Variants in GRM8 observed in about 807,000 individuals in gnomAD.
GRM8 encodes metabotropic glutamate receptor 8.
GRM8 carries 47 observed loss-of-function variants against 87.2 expected under a neutral mutation model. The observed-to-expected ratio is 0.54, with a 90% CI of 0.43 to 0.69. The LOEUF (loss-of-function observed/expected upper bound fraction) is 0.69. Ranked by LOEUF, GRM8 falls within the 30% of genes least tolerant of loss-of-function variation. GRM8 has a pLI of 0.00. For missense variants in GRM8, 1,019 were observed against 1,139.2 expected (o/e 0.89, Z 1.52); for synonymous variants, 396 against 404.5 (o/e 0.98, Z 0.25).
At chr7:126,824,099 A>T (rs866926852) in intron 6 of GRM8, among the ~76,000 whole-genome samples, 1 of 152,168 alleles carries the variant, frequency 6.6e-6, no homozygotes, top group Admixed American at 6.5e-5. Flanking sequence ...TATTTTATTC[A>T]TTTTTACATA....
At chr7:126,734,021 A>G (rs931767447) in intron 7 of GRM8, among the ~76,000 whole-genome samples, 14 of 152,096 alleles carry the variant, frequency 9.2e-5, no homozygotes, top group African/African-American at 3.4e-4. Flanking sequence ...ACTTCTTAAT[A>G]TACCTACAAT....
At chr7:126,583,804 T>G (rs1369358239) in intron 8 of GRM8, among the ~76,000 whole-genome samples, 6 of 152,218 alleles carry the variant, frequency 3.9e-5, no homozygotes, top group Admixed American at 3.3e-4. Context: ...GACGATTTGG[T>G]GAACATTGTT....
chr7:126,851,947 C>T (rs1176034225), intron 6 of GRM8, among the ~76,000 whole-genome samples: 1 of 152,112 alleles, frequency 6.6e-6, no homozygotes. Context: ...AAAGAGTACT[C>T]AGTACGTATT....
chr7:126,894,655 T>C (rs1364462431), intron 6 of GRM8, among the ~76,000 whole-genome samples: 1 of 152,060 alleles, frequency 6.6e-6, no homozygotes, highest in Non-Finnish European at 1.5e-5. Context: ...GAGGGAATAC[T>C]TCACCTTAGG....
At chr7:126,762,940 T>G (rs1817743194) in intron 7 of GRM8, among the ~76,000 whole-genome samples, 1 of 151,958 alleles carries the variant, frequency 6.6e-6, no homozygotes, top group Admixed American at 6.6e-5. Context: ...GAAAACAGTC[T>G]CTCATTGATG....
At position 126,622,630 on chromosome 7, in the gene GRM8, G is replaced by A. The variant is rs537424632; in HGVS notation, c.1358-13132C>T. Among the ~76,000 whole-genome samples, 5 of 152,222 alleles carry A rather than the reference G, an allele frequency of 3.3e-5. No individual in the cohort carries two copies. The East Asian group carries it at 5.8e-4, about 18-fold the overall frequency. ...CACTCTCACCTTCCATGCACTTTCA[G>A]TTCAGTTATCTTTTCTTTCTTTTAC... On this transcript the variant is annotated intron_variant, in intron 7 of 10. Coordinates refer to ENST00000339582, the MANE Select transcript of GRM8 (RefSeq NM_000845.3).
chr7:126,707,115 G>T (rs1049757876), intron 7 of GRM8, among the ~76,000 whole-genome samples: 1 of 151,956 alleles, frequency 6.6e-6, no homozygotes, highest in Non-Finnish European at 1.5e-5. Context: ...ACTAGCCTGG[G>T]CAACATGGCA....
chr7:126,680,333 T>C (rs1807412699), intron 7 of GRM8, among the ~76,000 whole-genome samples: 1 of 152,208 alleles, frequency 6.6e-6, no homozygotes, highest in Admixed American at 6.5e-5. Context: ...TGTTGAAATA[T>C]ATAACCCACA....
intron 6 of GRM8, among the ~76,000 whole-genome samples, chr7:126,828,190 C>T (rs1270123754): frequency 6.6e-6 from 1 of 152,120 alleles, no homozygotes; most frequent in Non-Finnish European, 1.5e-5. Flanking sequence ...GGTTGTGTCT[C>T]TGCCCGGCTT....
chr7:126,753,832 G>A (rs1816709411), intron 7 of GRM8, among the ~76,000 whole-genome samples: 2 of 151,832 alleles, frequency 1.3e-5, no homozygotes, highest in Non-Finnish European at 2.9e-5. Flanking sequence ...GTGCCATATA[G>A]TGTATTTTAT....
chr7:126,969,931 G>A (rs564419886), intron 3 of GRM8, among the ~76,000 whole-genome samples: 4 of 152,186 alleles, frequency 2.6e-5, no homozygotes, highest in East Asian at 1.9e-4. Flanking sequence ...ATTTCCTTGT[G>A]TATGTCCATC....
chr7:126,771,517 C>A, intron 6 of GRM8, among the ~76,000 whole-genome samples: 1 of 151,878 alleles, frequency 6.6e-6, no homozygotes, highest in East Asian at 1.9e-4. Flanking sequence ...TGCTAATTGT[C>A]AATTTTGTCA....
intron 8 of GRM8, among the ~76,000 whole-genome samples, chr7:126,544,807 C>T (rs760748186): frequency 2.6e-5 from 4 of 152,094 alleles, no homozygotes; most frequent in Non-Finnish European, 5.9e-5. Flanking sequence ...CGCACCTGGC[C>T]TTCAAAGTAT....
At chr7:126,968,115 G>A (rs1362901322) in intron 3 of GRM8, among the ~76,000 whole-genome samples, 4 of 152,222 alleles carry the variant, frequency 2.6e-5, no homozygotes, top group Non-Finnish European at 5.9e-5. Context: ...CTATCACTTT[G>A]ATATCCATTA....
chr7:127,189,286 C>G (rs1587234701), intron 2 of GRM8, among the ~76,000 whole-genome samples: 2 of 152,248 alleles, frequency 1.3e-5, no homozygotes, highest in East Asian at 3.9e-4. Flanking sequence ...TTCTCAAGTG[C>G]CTTATTGTGA....
At chr7:126,554,811 T>C (rs1792962257) in intron 8 of GRM8, among the ~76,000 whole-genome samples, 1 of 152,204 alleles carries the variant, frequency 6.6e-6, no homozygotes, top group Admixed American at 6.5e-5. Flanking sequence ...ATGTTATTTT[T>C]AGGGCACTAA....
intron 6 of GRM8, among the ~76,000 whole-genome samples, chr7:126,870,992 T>C (rs1052820617): frequency 6.6e-6 from 1 of 152,222 alleles, no homozygotes; most frequent in African/African-American, 2.4e-5. Context: ...TGCTATATCT[T>C]GGCCTTCTGT....
intron 3 of GRM8, among the ~76,000 whole-genome samples, chr7:126,923,711 T>C (rs999892539): frequency 1.3e-5 from 2 of 152,128 alleles, no homozygotes; most frequent in Non-Finnish European, 2.9e-5. Context: ...AGCTATGAAG[T>C]ATGCGAGTTT....
At chr7:127,235,632 T>C (rs1797942257) in intron 2 of GRM8, among the ~76,000 whole-genome samples, 1 of 152,170 alleles carries the variant, frequency 6.6e-6, no homozygotes. Flanking sequence ...ACCAAGCAAT[T>C]ATTAAAAAAA....
Sources: gnomAD v4.1 joint callset for allele counts (sites outside exome capture counted in the v4.1 genomes callset) on GRCh38, gnomAD v4.1.1 for gene constraint, MANE v1.5 for transcripts, NCBI Gene and HGNC (gene_info 2026-07-23, HGNC 2026-07-21) for gene names.